MDGA2: variants seen among roughly 807,000 people sequenced by gnomAD.
MDGA2 encodes the protein MAM domain containing glycosylphosphatidylinositol anchor 2.
In MDGA2, 40 loss-of-function variants were observed where a neutral mutation model predicts 117.8. That is an observed-to-expected ratio of 0.34 (90% CI 0.26 to 0.44). The LOEUF (loss-of-function observed/expected upper bound fraction) is 0.44, where lower values mean the gene tolerates loss of function less well. MDGA2 is among the 20% of genes least tolerant of loss of function. The probability of loss-of-function intolerance (pLI) is 1.00; values close to 1 mark genes in which losing one functional copy is unlikely to be tolerated. For missense variants in MDGA2, 1,123 were observed against 1,250.6 expected (o/e 0.90, Z 1.54); for synonymous variants, 452 against 439.0 (o/e 1.03, Z -0.37).
At chr14:46,917,806 T>TGTCACTG (rs1273973070) in intron 10 of MDGA2, among the ~76,000 whole-genome samples, 5 of 152,160 alleles carry the variant, frequency 3.3e-5, no homozygotes, top group Non-Finnish European at 7.4e-5. Flanking sequence ...AAGAAGACTT[T>TGTCACTG]GTCACTGGAA....
chr14:47,223,303 A>T (rs2139535698), intron 2 of MDGA2, among the ~76,000 whole-genome samples: 1 of 152,364 alleles, frequency 6.6e-6, no homozygotes, highest in African/African-American at 2.4e-5. Flanking sequence ...ATAAACCTTA[A>T]GTACCCTCTA....
intron 1 of MDGA2, among the ~76,000 whole-genome samples, chr14:47,388,204 G>A (rs916953056): frequency 6.6e-6 from 1 of 152,016 alleles, no homozygotes; most frequent in Non-Finnish European, 1.5e-5. Flanking sequence ...AATTATCCTA[G>A]GTATGGAGGC....
intron 1 of MDGA2, among the ~76,000 whole-genome samples, chr14:47,528,054 A>G (rs1895009050): frequency 6.6e-6 from 1 of 152,226 alleles, no homozygotes; most frequent in South Asian, 2.1e-4. Context: ...TATAATATGT[A>G]ATACGATTAC....
chr14:47,254,033 G>T (rs1887535361), intron 2 of MDGA2, among the ~76,000 whole-genome samples: 1 of 152,220 alleles, frequency 6.6e-6, no homozygotes, highest in Non-Finnish European at 1.5e-5. Context: ...AGCTGAAGCA[G>T]CTGGGATGCA....
intron 1 of MDGA2, among the ~76,000 whole-genome samples, chr14:47,528,826 T>A (rs1895028864): frequency 6.6e-6 from 1 of 152,092 alleles, no homozygotes; most frequent in African/African-American, 2.4e-5. Context: ...ATGAATAAGA[T>A]CATCAATATA....
intron 10 of MDGA2, among the ~76,000 whole-genome samples, chr14:46,883,231 A>G (rs1018703455): frequency 1.3e-5 from 2 of 152,098 alleles, no homozygotes; most frequent in African/African-American, 2.4e-5. Flanking sequence ...ATCATACAGT[A>G]CTGTTATCAA....
At chr14:47,062,207 A>G (rs1218707581) in intron 6 of MDGA2, among the ~76,000 whole-genome samples, 1 of 152,102 alleles carries the variant, frequency 6.6e-6, no homozygotes, top group Non-Finnish European at 1.5e-5. Context: ...CTATTCTACC[A>G]TACATAGATG....
rs575311322 is a variant in MDGA2 at position 47,567,217 on chromosome 14, T to A, written c.280+107300A>T. Among the ~76,000 whole-genome samples, 577 of 152,226 alleles carry A rather than the reference T, an allele frequency of 3.8e-3. 7 individuals are homozygous for A. The highest frequency in any genetic ancestry group is 0.013 in the African/African-American group (554 of 41,544). On this transcript the variant is annotated intron_variant, in intron 1 of 16. Coordinates refer to ENST00000399232, the MANE Select transcript of MDGA2 (RefSeq NM_001113498.3). Reference sequence around the variant, plus strand: ...TGCCCAGCCCAATAAAGTATTATTTTAAAATATTTTAGAAGATATCCATCC... The same window carrying A: ...TGCCCAGCCCAATAAAGTATTATTTAAAAATATTTTAGAAGATATCCATCC...
At chr14:46,873,331 G>C (rs1172102919) in intron 14 of MDGA2, 102 bp downstream of exon 14, 10 of 1,028,298 alleles carry the variant, frequency 9.7e-6, no homozygotes, top group Non-Finnish European at 1.3e-5. Flanking sequence ...GTGAATTATA[G>C]CATTCTTTGA....
intron 9 of MDGA2, among the ~76,000 whole-genome samples, chr14:46,950,580 T>G (rs11845542): frequency 0.36 from 55,295 of 151,794 alleles, 12,143 homozygotes; most frequent in African/African-American, 0.61. Context: ...ATAAATAAAA[T>G]TCTAATAAAT....
chr14:47,076,560 A>ATGTGTGTG (rs145260703), intron 6 of MDGA2, among the ~76,000 whole-genome samples: 5 of 147,074 alleles, frequency 3.4e-5, no homozygotes, highest in Admixed American at 6.8e-5. Context: ...AGTGTGTGTT[A>ATGTGTGTG]TGTGTGTGTG....
intron 2 of MDGA2, among the ~76,000 whole-genome samples, chr14:47,249,379 T>C (rs900028224): frequency 8.5e-5 from 13 of 152,198 alleles, no homozygotes; most frequent in African/African-American, 2.9e-4. Context: ...TGAAATGCAG[T>C]GGCACAATCA....
rs1882475586 is a variant in MDGA2 at position 46,881,897 on chromosome 14, G to GC, written c.2416+146_2416+147insG. On this transcript the variant is annotated intron_variant, in intron 11 of 16. Transcript: ENST00000399232. Reference sequence around the variant, plus strand: ...TATGGTGATTAAGGTTTTTGTTTTTGTTTTTTTGTTTAGTTAACTGGCTAA... The same window carrying GC: ...TATGGTGATTAAGGTTTTTGTTTTTGCTTTTTTTGTTTAGTTAACTGGCTAA... 13 of 455,360 alleles carry GC rather than the reference G, an allele frequency of 2.9e-5. No homozygotes were observed. The East Asian group carries it at 4.5e-4, about 16-fold the overall frequency. The allele number at this position is 455,360 out of a possible 1,614,324, so 28.2% of individuals were successfully genotyped here. A position where few individuals can be genotyped will look rare whatever the true frequency, so the allele number is the denominator to read the frequency against.
chr14:47,430,461 T>C (rs1283010278), intron 1 of MDGA2, among the ~76,000 whole-genome samples: 1 of 152,114 alleles, frequency 6.6e-6, no homozygotes, highest in African/African-American at 2.4e-5. Context: ...GCGTTTCTCA[T>C]ACTTCATTGA....
intron 1 of MDGA2, among the ~76,000 whole-genome samples, chr14:47,483,048 T>C (rs1460751060): frequency 1.3e-5 from 2 of 152,146 alleles, no homozygotes; most frequent in Non-Finnish European, 2.9e-5. Flanking sequence ...ACTGACATTT[T>C]ATGACATACT....
chr14:47,357,013 A>T (rs1051355281), intron 1 of MDGA2, among the ~76,000 whole-genome samples: 2 of 152,208 alleles, frequency 1.3e-5, no homozygotes, highest in Admixed American at 6.5e-5. Context: ...TTTTACTTTT[A>T]CTTAGCGGAG....
chr14:47,331,475 G>C (rs2139911950), intron 1 of MDGA2, among the ~76,000 whole-genome samples: 1 of 152,006 alleles, frequency 6.6e-6, no homozygotes, highest in East Asian at 1.9e-4. Flanking sequence ...AGTTAGTTTA[G>C]CTTATACACA....
At chr14:46,857,883 G>A (rs1033091638) in intron 14 of MDGA2, among the ~76,000 whole-genome samples, 2 of 152,004 alleles carry the variant, frequency 1.3e-5, no homozygotes, top group Admixed American at 6.6e-5. Context: ...CTCCAACTGA[G>A]TTCAAGCAAT....
intron 3 of MDGA2, among the ~76,000 whole-genome samples, chr14:47,213,606 C>T (rs1198279267): frequency 8.1e-6 from 1 of 122,924 alleles, no homozygotes; most frequent in African/African-American, 3.2e-5. Context: ...GTAGTATCTA[C>T]TTGATTGTAA....
Sources: gnomAD v4.1 joint callset for allele counts (sites outside exome capture counted in the v4.1 genomes callset) on GRCh38, gnomAD v4.1.1 for gene constraint, MANE v1.5 for transcripts, NCBI Gene and HGNC (gene_info 2026-07-23, HGNC 2026-07-21) for gene names.